MAPK4: variants seen among roughly 807,000 people sequenced by gnomAD.
The protein encoded by MAPK4 is mitogen-activated protein kinase 4.
A neutral mutation model predicts 47.7 loss-of-function variants in MAPK4; 22 were observed. The ratio of observed to expected loss-of-function variants is 0.46; its 90% CI spans 0.33 to 0.66. The LOEUF (loss-of-function observed/expected upper bound fraction) is 0.66. Among genes scored for constraint, MAPK4 ranks in the 30% least tolerant of loss-of-function variants. The pLI is 0.02. For missense variants in MAPK4, 736 were observed against 831.7 expected, an observed-to-expected ratio of 0.88 and a Z score of 1.42; for synonymous variants, 390 against 365.7, an observed-to-expected ratio of 1.07 and a Z score of -0.76.
At chr18:50,652,193 G>A (rs1029189562) in intron 1 of MAPK4, among the ~76,000 whole-genome samples, 3 of 152,176 alleles carry the variant, frequency 2.0e-5, no homozygotes, top group Non-Finnish European at 4.4e-5. Flanking sequence ...TGGCTTTCCT[G>A]GACTCTGACA....
intron 2 of MAPK4, among the ~76,000 whole-genome samples, chr18:50,708,337 G>A (rs1910168705): frequency 6.6e-6 from 1 of 152,164 alleles, no homozygotes; most frequent in Non-Finnish European, 1.5e-5. Flanking sequence ...ATGAGTGTCT[G>A]TAACTCAAAG....
At chr18:50,577,706 G>T (rs184454886) in intron 1 of MAPK4, among the ~76,000 whole-genome samples, 114 of 152,276 alleles carry the variant, frequency 7.5e-4, no homozygotes, top group African/African-American at 2.6e-3. Flanking sequence ...CTGGTTCTTT[G>T]GACATTTCCG....
intron 1 of MAPK4, among the ~76,000 whole-genome samples, chr18:50,593,454 CT>C (rs1332399769): frequency 3.3e-5 from 5 of 152,242 alleles, no homozygotes; most frequent in Admixed American, 3.3e-4. Flanking sequence ...AGCTTCCCTA[CT>C]TCCTAGCTGT....
At chr18:50,574,081 T>C (rs1007175782) in intron 1 of MAPK4, among the ~76,000 whole-genome samples, 1 of 152,200 alleles carries the variant, frequency 6.6e-6, no homozygotes, top group African/African-American at 2.4e-5. Flanking sequence ...CTCTTTATTC[T>C]AGACATTCTT....
In MAPK4 at chr18:50,619,899, G is replaced by C. The variant is rs145489401; in HGVS notation, c.-870-43190G>C. 6.6e-5 allele frequency among the ~76,000 whole-genome samples: 10 copies of C among 152,330 alleles called. No individual in the cohort carries two copies. The East Asian group carries it at 1.9e-3, about 29-fold the overall frequency. On this transcript the variant is annotated intron_variant, in intron 1 of 5. Transcript: ENST00000400384. ...GAGAGAGGAGGCACAGCCTCATGTG[G>C]GTCCACAGGGAGGCTGGCGTAAGTA...
chr18:50,647,280 G>A (rs1182506641), intron 1 of MAPK4, among the ~76,000 whole-genome samples: 2 of 152,182 alleles, frequency 1.3e-5, no homozygotes, highest in African/African-American at 2.4e-5. Flanking sequence ...AAAATGATTC[G>A]TAAGGAGAAT....
chr18:50,638,619 C>A (rs1205988658), intron 1 of MAPK4, among the ~76,000 whole-genome samples: 1 of 152,216 alleles, frequency 6.6e-6, no homozygotes, highest in Non-Finnish European at 1.5e-5. Flanking sequence ...AAACCTAAGT[C>A]AGCACTGTTG....
rs143877438 is a variant in MAPK4 at position 50,589,749 on chromosome 18, C to T, written c.-871+29506C>T. ...AAATGGTTCTCTTTCAGTTTCAGTC[C>T]ATCCAACCACATTCTCACTTCCTGA... On this transcript the variant is annotated intron_variant, in intron 1 of 5. Transcript: ENST00000400384. Among the ~76,000 whole-genome samples, 14 of 152,316 alleles carry T rather than the reference C, an allele frequency of 9.2e-5. No homozygotes were observed. The East Asian group carries it at 2.7e-3, about 29-fold the overall frequency.
chr18:50,602,153 A>G (rs1295624269), intron 1 of MAPK4, among the ~76,000 whole-genome samples: 1 of 152,220 alleles, frequency 6.6e-6, no homozygotes, highest in Admixed American at 6.5e-5. Context: ...AGACAATGTA[A>G]TTTGAGAAAT....
chr18:50,649,612 A>G (rs113371329), intron 1 of MAPK4, among the ~76,000 whole-genome samples: 3 of 152,234 alleles, frequency 2.0e-5, no homozygotes, highest in Non-Finnish European at 4.4e-5. Context: ...CATGATGCGT[A>G]TAAGTTGACC....
At chr18:50,580,892 G>C (rs1418553450) in intron 1 of MAPK4, among the ~76,000 whole-genome samples, 1 of 152,148 alleles carries the variant, frequency 6.6e-6, no homozygotes, top group East Asian at 1.9e-4. Flanking sequence ...TCAGGTAGTA[G>C]CTGGATGATA....
chr18:50,720,114 CCTT>C (rs1019544734), intron 3 of MAPK4, among the ~76,000 whole-genome samples: 3 of 152,188 alleles, frequency 2.0e-5, no homozygotes, highest in Admixed American at 6.5e-5. Context: ...ATGCTTCACA[CCTT>C]CTCCCATTTT....
chr18:50,607,179 AT>A, intron 1 of MAPK4, among the ~76,000 whole-genome samples: 1 of 151,870 alleles, frequency 6.6e-6, no homozygotes, highest in African/African-American at 2.4e-5. Flanking sequence ...CCAAATACTA[AT>A]GGGGCCAGGG....
In MAPK4 at chr18:50,729,886, C is replaced by T. The variant is rs1911462172; in HGVS notation, c.*32C>T. 1.3e-6 allele frequency: 2 copies of T among 1,525,826 alleles called. No individual in the cohort carries two copies. The highest frequency in any genetic ancestry group is 4.7e-5 in the East Asian group (2 of 42,120). The allele number at this position is 1,525,826 out of a possible 1,614,324, so 94.5% of individuals were successfully genotyped here. On this transcript the variant is annotated 3_prime_UTR_variant, in exon 6 of 6. Transcript: ENST00000400384. ...AGGGGCCGCTCCAGGCCCCACAGAGCAGGAGACCCCCAGAGAAAGCCGGGG... is the reference window on the plus strand; with the variant it reads ...AGGGGCCGCTCCAGGCCCCACAGAGTAGGAGACCCCCAGAGAAAGCCGGGG...
At chr18:50,633,677 A>G (rs2042853166) in intron 1 of MAPK4, among the ~76,000 whole-genome samples, 1 of 152,158 alleles carries the variant, frequency 6.6e-6, no homozygotes, top group Admixed American at 6.5e-5. Context: ...TGCACTGCCT[A>G]AGGGATAAAA....
intron 2 of MAPK4, among the ~76,000 whole-genome samples, chr18:50,687,280 C>T (rs1908933364): frequency 6.6e-6 from 1 of 152,154 alleles, no homozygotes; most frequent in African/African-American, 2.4e-5. Flanking sequence ...TCACCTCAGC[C>T]TCCCAAAGTG....
At chr18:50,662,616 A>C (rs1907334075) in intron 1 of MAPK4, among the ~76,000 whole-genome samples, 1 of 152,244 alleles carries the variant, frequency 6.6e-6, no homozygotes, top group African/African-American at 2.4e-5. Context: ...AAAGCCTCTT[A>C]AAATGTTCAA....
At position 50,587,409 on chromosome 18, in the gene MAPK4, T is replaced by G. The variant is rs1461987604; in HGVS notation, c.-871+27166T>G. ...GCCTCCAAAACGGTTAGAAATAAAT[T>G]TATGTTGTTTATAAGCTTCCTAAAG... is the stretch of plus-strand genomic sequence containing the variant. On this transcript the variant is annotated intron_variant, in intron 1 of 5. Coordinates refer to ENST00000400384, the MANE Select transcript of MAPK4 (RefSeq NM_002747.4). 2.6e-5 allele frequency among the ~76,000 whole-genome samples: 4 copies of G among 152,104 alleles called. No individual in the cohort carries two copies. The East Asian group carries it at 5.8e-4, about 22-fold the overall frequency.
intron 1 of MAPK4, among the ~76,000 whole-genome samples, chr18:50,609,415 C>T (rs929169070): frequency 1.3e-4 from 20 of 151,608 alleles, no homozygotes; most frequent in East Asian, 7.8e-4. Flanking sequence ...CCGGACGGGG[C>T]GGCGAGATAT....
Sources: gnomAD v4.1 joint callset for allele counts (sites outside exome capture counted in the v4.1 genomes callset) on GRCh38, gnomAD v4.1.1 for gene constraint, MANE v1.5 for transcripts, NCBI Gene and HGNC (gene_info 2026-07-23, HGNC 2026-07-21) for gene names.